MSRA: variants seen among roughly 807,000 people sequenced by gnomAD.
MSRA encodes the protein mitochondrial peptide methionine sulfoxide reductase.
MSRA carries 54 observed loss-of-function variants against 31.3 expected under a neutral mutation model. The observed-to-expected ratio is 1.73, with a 90% CI of 1.39 to 2.17. The LOEUF is 2.17. MSRA is among the 30% of genes most tolerant of loss of function. The pLI is 0.00. For synonymous variants in MSRA, 169 were observed against 116.5 expected (o/e 1.45, Z -2.90); for missense variants, 507 against 300.9 (o/e 1.69, Z -5.07).
intron 1 of MSRA, among the ~76,000 whole-genome samples, chr8:10,186,880 T>A (rs1444083347): frequency 6.6e-6 from 1 of 152,214 alleles, no homozygotes; most frequent in Non-Finnish European, 1.5e-5. Context: ...GAGAAAAAGA[T>A]CTTGCTTTGG....
chr8:10,397,074 G>C (rs949572761), intron 5 of MSRA, among the ~76,000 whole-genome samples: 3 of 152,214 alleles, frequency 2.0e-5, no homozygotes, highest in Admixed American at 1.3e-4. Context: ...GCTCATCCTT[G>C]TAGTGAAATT....
chr8:10,054,711 T>G (rs1053301954), intron 1 of MSRA, 53 bp downstream of exon 1: 2 of 1,414,830 alleles, frequency 1.4e-6, no homozygotes, highest in Non-Finnish European at 1.9e-6. Flanking sequence ...CATGCGCGCC[T>G]TTGCCCGGCG....
chr8:10,103,847 T>TA (rs35390479), intron 1 of MSRA, among the ~76,000 whole-genome samples: 42,102 of 149,316 alleles, frequency 0.28, 5,978 homozygotes, highest in South Asian at 0.42. Flanking sequence ...CCTCAGATGT[T>TA]AAAAAAAAAA....
At chr8:10,143,818 T>G (rs1355307502) in intron 1 of MSRA, among the ~76,000 whole-genome samples, 2 of 152,220 alleles carry the variant, frequency 1.3e-5, no homozygotes, top group Non-Finnish European at 2.9e-5. Flanking sequence ...AAAAGTTGTT[T>G]TAATGTGACC....
At chr8:10,289,048 G>C (rs1016734839) in intron 3 of MSRA, among the ~76,000 whole-genome samples, 1 of 150,294 alleles carries the variant, frequency 6.7e-6, no homozygotes, top group Admixed American at 6.7e-5. Context: ...ATGGAGTCTC[G>C]CTCTGTCGCC....
intron 1 of MSRA, among the ~76,000 whole-genome samples, chr8:10,107,751 C>T (rs1799989919): frequency 1.3e-5 from 2 of 152,118 alleles, no homozygotes; most frequent in Admixed American, 6.5e-5. Flanking sequence ...CAGAGTGTGA[C>T]AGTAGTTTAC....
intron 5 of MSRA, among the ~76,000 whole-genome samples, chr8:10,427,413 A>G (rs977776374): frequency 1.3e-5 from 2 of 152,144 alleles, no homozygotes; most frequent in African/African-American, 4.8e-5. Context: ...TTTCCCTGGC[A>G]GCAGATGTCA....
chr8:10,172,733 A>C (rs1805702270), intron 1 of MSRA, among the ~76,000 whole-genome samples: 1 of 152,146 alleles, frequency 6.6e-6, no homozygotes, highest in South Asian at 2.1e-4. Context: ...CAGAGATGGG[A>C]AAGGAGGCCA....
chr8:10,058,120 G>T (rs1215804706), intron 1 of MSRA, among the ~76,000 whole-genome samples: 1 of 152,022 alleles, frequency 6.6e-6, no homozygotes, highest in Non-Finnish European at 1.5e-5. Flanking sequence ...GTATTTTTTT[G>T]TTACAGTGCT....
At chr8:10,347,059 G>A (rs77248091) in intron 5 of MSRA, among the ~76,000 whole-genome samples, 1 of 151,950 alleles carries the variant, frequency 6.6e-6, no homozygotes, top group Non-Finnish European at 1.5e-5. Context: ...CCTCCAATGT[G>A]TTTTCACAGC....
chr8:10,245,648 C>G (rs1299020139), intron 3 of MSRA, among the ~76,000 whole-genome samples: 1 of 152,200 alleles, frequency 6.6e-6, no homozygotes, highest in African/African-American at 2.4e-5. Flanking sequence ...GTGCTGGCTG[C>G]TGGTTAGCAC....
chr8:10,208,951 T>C lies in MSRA; in HGVS notation c.211+1050T>C, dbSNP rs1396766736. 4.6e-5 allele frequency among the ~76,000 whole-genome samples: 7 copies of C among 152,190 alleles called. No individual in the cohort carries two copies. The East Asian group carries it at 1.3e-3, about 29-fold the overall frequency. The stretch of plus-strand genomic sequence containing the variant: ...AATGAGCACACTGAAGTTAGATTGT[T>C]CCCTTATTCCCAGAGATGGAACCAG... On this transcript the variant is annotated intron_variant, in intron 2 of 5. Transcript: ENST00000317173.
intron 3 of MSRA, among the ~76,000 whole-genome samples, chr8:10,274,756 TCCA>T (rs1388766931): frequency 1.3e-4 from 20 of 151,946 alleles, no homozygotes; most frequent in Non-Finnish European, 2.2e-4. Context: ...CACTCACCCA[TCCA>T]CCATCATCCA....
At chr8:10,061,332 C>T (rs556362728) in intron 1 of MSRA, among the ~76,000 whole-genome samples, 1 of 152,190 alleles carries the variant, frequency 6.6e-6, no homozygotes, top group African/African-American at 2.4e-5. Flanking sequence ...CCTGTATTGT[C>T]CATATATCCT....
intron 1 of MSRA, among the ~76,000 whole-genome samples, chr8:10,158,087 A>T (rs1804313335): frequency 2.0e-5 from 3 of 152,184 alleles, no homozygotes; most frequent in African/African-American, 7.2e-5. Context: ...GCACCTTCTT[A>T]CGGTGTCCTC....
chr8:10,123,399 GTTTC>G (rs1383131095), intron 1 of MSRA, among the ~76,000 whole-genome samples: 1 of 151,886 alleles, frequency 6.6e-6, no homozygotes, highest in Non-Finnish European at 1.5e-5. Context: ...ATTTGTTTGA[GTTTC>G]TTATTAGATA....
chr8:10,095,546 G>A, intron 1 of MSRA: 1 of 985,696 alleles, frequency 1.0e-6, no homozygotes, highest in Non-Finnish European at 1.2e-6. Flanking sequence ...CATACTGGGA[G>A]CAAAAGAGTG....
chr8:10,327,022 C>T (rs1802401445), intron 5 of MSRA, among the ~76,000 whole-genome samples: 2 of 152,176 alleles, frequency 1.3e-5, no homozygotes, highest in Non-Finnish European at 2.9e-5. Flanking sequence ...TGACCTGGCT[C>T]CTTCTGCCAG....
chr8:10,241,460 A>C (rs1444580544), intron 2 of MSRA, among the ~76,000 whole-genome samples: 1 of 152,226 alleles, frequency 6.6e-6, no homozygotes. Context: ...AAACTCTTCG[A>C]TTAGCCTGGG....
Sources: allele counts gnomAD v4.1 joint callset (sites outside exome capture counted in the v4.1 genomes callset), GRCh38; gene constraint gnomAD v4.1.1; transcripts MANE v1.5; gene names NCBI Gene and HGNC (gene_info 2026-07-23, HGNC 2026-07-21).